Variants in IMMP2L observed in about 807,000 individuals in gnomAD.
The protein encoded by IMMP2L is mitochondrial inner membrane protease subunit 2.
A neutral mutation model predicts 19.3 loss-of-function variants in IMMP2L; 18 were observed. The observed-to-expected ratio is 0.93, with a 90% confidence interval of 0.64 to 1.38. IMMP2L has a LOEUF of 1.38. Ranked by LOEUF, IMMP2L falls within the 40% of genes most tolerant of loss-of-function variation. The pLI, the probability that IMMP2L is intolerant of heterozygous loss-of-function variation, is 0.00. For missense variants in IMMP2L, 233 were observed against 218.2 expected, an observed-to-expected ratio of 1.07 and a Z score of -0.43; for synonymous variants, 76 against 73.0, an observed-to-expected ratio of 1.04 and a Z score of -0.21.
At chr7:110,918,026 A>T (rs147826055) in intron 4 of IMMP2L, among the ~76,000 whole-genome samples, 1 of 152,192 alleles carries the variant, frequency 6.6e-6, no homozygotes, top group Non-Finnish European at 1.5e-5. Flanking sequence ...TTCACTTTCA[A>T]TCATCCACTT....
chr7:111,121,974 A>G (rs1800687545), intron 3 of IMMP2L, among the ~76,000 whole-genome samples: 1 of 151,788 alleles, frequency 6.6e-6, no homozygotes, highest in Non-Finnish European at 1.5e-5. Context: ...AAACTATCGC[A>G]AGGACAAAAA....
chr7:110,789,975 C>A (rs1413306857), intron 5 of IMMP2L, among the ~76,000 whole-genome samples: 3 of 151,604 alleles, frequency 2.0e-5, no homozygotes, highest in Non-Finnish European at 4.4e-5. Flanking sequence ...GGATCTTATT[C>A]TTCTAATTTT....
intron 3 of IMMP2L, among the ~76,000 whole-genome samples, chr7:111,261,935 G>T (rs1454521962): frequency 6.6e-6 from 1 of 152,090 alleles, no homozygotes; most frequent in African/African-American, 2.4e-5. Context: ...TGGAGAGAGA[G>T]ATATGACCAG....
At chr7:111,082,375 C>A (rs566398064) in intron 3 of IMMP2L, among the ~76,000 whole-genome samples, 2 of 152,146 alleles carry the variant, frequency 1.3e-5, no homozygotes, top group African/African-American at 2.4e-5. Context: ...ACTTGGAATG[C>A]GGCAAAAATA....
intron 3 of IMMP2L, among the ~76,000 whole-genome samples, chr7:111,360,923 G>A (rs994263564): frequency 6.6e-6 from 1 of 151,850 alleles, no homozygotes; most frequent in African/African-American, 2.4e-5. Context: ...TATTTATGTT[G>A]ATACATAATA....
At chr7:110,732,077 C>A (rs1392465535) in intron 5 of IMMP2L, among the ~76,000 whole-genome samples, 2 of 151,874 alleles carry the variant, frequency 1.3e-5, no homozygotes, top group Non-Finnish European at 2.9e-5. Context: ...CTGGGTGGGG[C>A]GGGGTTGGAG....
At chr7:111,144,326 G>A (rs957833657) in intron 3 of IMMP2L, among the ~76,000 whole-genome samples, 1 of 152,084 alleles carries the variant, frequency 6.6e-6, no homozygotes, top group South Asian at 2.1e-4. Flanking sequence ...AGGAATAGTC[G>A]TAAATTCTAG....
Position 110,870,443 on chromosome 7 carries a change from G to A in IMMP2L, c.408+16150C>T, listed in dbSNP as rs925157696. On this transcript the variant is annotated intron_variant, in intron 5 of 5. Coordinates refer to ENST00000405709, the MANE Select transcript of IMMP2L (RefSeq NM_032549.4). The surrounding 1 kb of genome is among the most constrained non-coding windows in gnomAD (Gnocchi z 4.2). Reference sequence around the variant, plus strand: ...CTACAGCAGTGAACCAAAAGGACAAGGTTCCTGACCTCATGAAGCTCAATT... The same window carrying A: ...CTACAGCAGTGAACCAAAAGGACAAAGTTCCTGACCTCATGAAGCTCAATT... Among the ~76,000 whole-genome samples the A allele has an allele frequency of 6.6e-6, 1 of 152,096 alleles. No individual in the cohort carries two copies. The highest frequency in any genetic ancestry group is 6.6e-5 in the Admixed American group (1 of 15,242).
chr7:110,972,810 A>G (rs941963685), intron 3 of IMMP2L, among the ~76,000 whole-genome samples: 2 of 152,114 alleles, frequency 1.3e-5, no homozygotes, highest in Admixed American at 1.3e-4. Context: ...CAAAGAGAAC[A>G]CAGAAGCACT....
intron 3 of IMMP2L, among the ~76,000 whole-genome samples, chr7:111,403,218 A>C (rs1460178609): frequency 6.6e-6 from 1 of 151,818 alleles, no homozygotes; most frequent in East Asian, 1.9e-4. Flanking sequence ...GTGAGTACTC[A>C]CGAGATCTCA....
chr7:111,042,484 A>T (rs1055716798), intron 3 of IMMP2L, among the ~76,000 whole-genome samples: 3 of 152,166 alleles, frequency 2.0e-5, no homozygotes, highest in Admixed American at 2.0e-4. Flanking sequence ...CCCAGCTACC[A>T]TTTAAAGATT....
At chr7:111,216,115 T>C (rs182388344) in intron 3 of IMMP2L, among the ~76,000 whole-genome samples, 258 of 152,314 alleles carry the variant, frequency 1.7e-3, no homozygotes, top group Non-Finnish European at 2.8e-3. Flanking sequence ...TCATTCCAGA[T>C]ACCTCACCGT....
At chr7:110,679,169 G>C (rs969162752) in intron 5 of IMMP2L, among the ~76,000 whole-genome samples, 5 of 151,972 alleles carry the variant, frequency 3.3e-5, no homozygotes, top group Admixed American at 3.3e-4. Flanking sequence ...TACAAAACAG[G>C]CCTCCGGGGG....
intron 3 of IMMP2L, among the ~76,000 whole-genome samples, chr7:111,468,874 A>C (rs1378035816): frequency 6.6e-6 from 1 of 152,118 alleles, no homozygotes; most frequent in Non-Finnish European, 1.5e-5. Context: ...TTGACTTGTG[A>C]CTAAATATGA....
chr7:110,770,942 T>G (rs1376398616), intron 5 of IMMP2L, among the ~76,000 whole-genome samples: 1 of 152,118 alleles, frequency 6.6e-6, no homozygotes, highest in Non-Finnish European at 1.5e-5. Flanking sequence ...CTGGTGGGAT[T>G]TACATAGCAC....
chr7:111,525,966 A>C (rs987117966), intron 1 of IMMP2L, among the ~76,000 whole-genome samples: 13 of 152,072 alleles, frequency 8.5e-5, no homozygotes, highest in African/African-American at 3.1e-4. Flanking sequence ...ATGATCAAGG[A>C]AGGCCTGCCC....
Position 110,663,499 on chromosome 7 carries a change from A to G in IMMP2L, c.*103T>C, listed in dbSNP as rs571901132. On this transcript the variant is annotated 3_prime_UTR_variant, in exon 6 of 6. Transcript: ENST00000405709. ...AATGTGCTGTAAATATTTCTCGCAC[A>G]GCATCATATTGTCAGAAGTTTTTCC... 7.3e-5 allele frequency: 66 copies of G among 907,502 alleles called. No individual in the cohort carries two copies. The African/African-American group carries it at 1.1e-3, about 15-fold the overall frequency. 56.2% of individuals were successfully genotyped at this position (907,502 alleles called of 1,614,324 possible). A position where few individuals can be genotyped will look rare whatever the true frequency, so the allele number is the denominator to read the frequency against.
chr7:111,284,960 A>T (rs1184074000), intron 3 of IMMP2L, among the ~76,000 whole-genome samples: 1 of 152,204 alleles, frequency 6.6e-6, no homozygotes, highest in Non-Finnish European at 1.5e-5. Context: ...AATATGTGCC[A>T]TCAGTGAAAC....
chr7:110,756,160 AGAAG>A (rs1798029601), intron 5 of IMMP2L, among the ~76,000 whole-genome samples: 2 of 152,096 alleles, frequency 1.3e-5, no homozygotes, highest in Non-Finnish European at 2.9e-5. Flanking sequence ...TGTGGAGATA[AGAAG>A]GAAGATGCAG....
Sources: gnomAD v4.1 joint callset for allele counts (sites outside exome capture counted in the v4.1 genomes callset) on GRCh38, gnomAD v4.1.1 for gene constraint, Gnocchi (gnomAD v3.1) non-coding constraint, MANE v1.5 for transcripts, NCBI Gene and HGNC (gene_info 2026-07-23, HGNC 2026-07-21) for gene names.